Variants in PPM1G observed in about 807,000 individuals in gnomAD.
PPM1G encodes the protein protein phosphatase 1G.
A neutral mutation model predicts 59.4 loss-of-function variants in PPM1G; 12 were observed. The observed-to-expected ratio is 0.20, with a 90% CI of 0.13 to 0.33. The LOEUF (loss-of-function observed/expected upper bound fraction) is 0.33, where lower values mean the gene tolerates loss of function less well. Among genes scored for constraint, PPM1G ranks in the 10% least tolerant of loss-of-function variants. The pLI is 1.00. For synonymous variants in PPM1G, 245 were observed against 251.9 expected, an observed-to-expected ratio of 0.97 and a Z score of 0.26; for missense variants, 392 against 681.3, an observed-to-expected ratio of 0.58 and a Z score of 4.73.
intron 1 of PPM1G, chr2:27,393,180 T>G: frequency 6.6e-7 from 1 of 1,505,280 alleles, no homozygotes; most frequent in African/African-American, 1.4e-5. Context: ...ATGTTCCCTC[T>G]CCTCATGAGA....
intron 1 of PPM1G, among the ~76,000 whole-genome samples, chr2:27,395,648 G>A (rs1684033709): frequency 2.6e-5 from 4 of 152,108 alleles, no homozygotes; most frequent in Admixed American, 2.6e-4. Context: ...TTCAAGACCA[G>A]CCTGGGTAAC....
rs1572659101 is a variant in PPM1G at position 27,382,553 on chromosome 2, A to T, written c.1254T>A (p.Ile418=). 6.2e-7 allele frequency: 1 copy of T among 1,614,224 alleles called. No homozygotes were observed. Among genetic ancestry groups the T allele is most frequent in the Non-Finnish European group, 8.5e-7 (1 of 1,180,012 alleles). ...GCACCTTGATGTCAGGAAGGGCTGAAATCATCTGTTCCTCAGGTGGCAGGT... is the reference window on the plus strand; with the variant it reads ...GCACCTTGATGTCAGGAAGGGCTGATATCATCTGTTCCTCAGGTGGCAGGT... ...NKNLPPEEQM[I]SALPDIKVLT... is the part of the protein sequence containing the mutation. Residue 418 remains isoleucine (I), a synonymous_variant, in exon 8 of 10, where the codon ATT becomes ATA. Transcript: ENST00000344034. The surrounding 1 kb of genome is among the most constrained non-coding windows in gnomAD (Gnocchi z 4.2).
rs1399370496 is a variant in PPM1G at position 27,391,736 on chromosome 2, C to CT, written c.121-4579dup. Among the ~76,000 whole-genome samples the CT allele has an allele frequency of 7.2e-3, 1,017 of 140,744 alleles. 6 individuals are homozygous for CT. Among genetic ancestry groups the CT allele is most frequent in the African/African-American group, 0.019 (745 of 38,594 alleles). The allele number at this position is 140,744 out of a possible 152,430, so 92.3% of individuals were successfully genotyped here. The stretch of plus-strand genomic sequence containing the variant: ...TCTACAGGATGTTCTTTTTTTCTTT[C>CT]TTTTTTTTTTTTTTGAGACAGAGTC... On this transcript the variant is annotated intron_variant, in intron 1 of 9. Transcript: ENST00000344034.
intron 1 of PPM1G, among the ~76,000 whole-genome samples, chr2:27,388,314 C>T (rs1683817933): frequency 6.6e-6 from 1 of 151,808 alleles, no homozygotes; most frequent in Non-Finnish European, 1.5e-5. Flanking sequence ...AAGGGTGAGG[C>T]AGGAGAATCA....
At chr2:27,388,544 A>C (rs1416856913) in intron 1 of PPM1G, among the ~76,000 whole-genome samples, 1 of 152,184 alleles carries the variant, frequency 6.6e-6, no homozygotes, top group African/African-American at 2.4e-5. Context: ...ATGAGTTCAC[A>C]ATATCTTAAG....
chr2:27,409,209 G>A, intron 1 of PPM1G, 94 bp downstream of exon 1: 8 of 1,450,286 alleles, frequency 5.5e-6, no homozygotes, highest in East Asian at 2.9e-5. Context: ...CTCCCAATTG[G>A]GACCCTTCCC....
Position 27,399,234 on chromosome 2 carries a change from A to G in PPM1G, c.120+10069T>C, listed in dbSNP as rs554351973. Among the ~76,000 whole-genome samples, 24 of 152,368 alleles carry G rather than the reference A, an allele frequency of 1.6e-4. No homozygotes were observed. The South Asian group carries it at 4.4e-3, about 28-fold the overall frequency. ...ATTGGAGAAAAGATTTGCAAATCAT[A>G]TATCTAACAAACTTGTATCCAAAAC... On this transcript the variant is annotated intron_variant, in intron 1 of 9. Transcript: ENST00000344034.
chr2:27,409,365 C>A lies in PPM1G; in HGVS notation c.58G>T (p.Ala20Ser). 1 of 1,541,156 alleles carries A rather than the reference C, an allele frequency of 6.5e-7. No individual in the cohort carries two copies. Among genetic ancestry groups the A allele is most frequent in the Non-Finnish European group, 8.7e-7 (1 of 1,143,216 alleles). ...CCGTAGGGCAGCGGCAGGCGCGGGGCGCCGACCCCGTCCCCGGAGCACTTC... is the reference window on the plus strand; with the variant it reads ...CCGTAGGGCAGCGGCAGGCGCGGGGAGCCGACCCCGTCCCCGGAGCACTTC... ...TVKCSGDGVG[A>S]PRLPLPYGFS... The change falls in exon 1 of 10, where the codon GCC (alanine) becomes TCC (serine). Residue 20 changes from alanine to serine, a missense_variant. Transcript: ENST00000344034.
chr2:27,383,234 T>G lies in PPM1G; in HGVS notation c.1201+132A>C. The stretch of plus-strand genomic sequence containing the variant: ...ACCCATCTTAGTTATTTCACAGAAA[T>G]ATAAGAACAGAGGTAGTAGATATTA... On this transcript the variant is annotated intron_variant, in intron 7 of 9. Transcript: ENST00000344034. This position sits in a 1 kb window ranked among gnomAD's most constrained non-coding sequence, Gnocchi z 5.0. 1 of 715,060 alleles carries G rather than the reference T, an allele frequency of 1.4e-6. No individual in the cohort carries two copies. Among genetic ancestry groups the G allele is most frequent in the Non-Finnish European group, 2.4e-6 (1 of 420,544 alleles). 44.3% of individuals were successfully genotyped at this position (715,060 alleles called of 1,614,324 possible).
chr2:27,399,785 T>C (rs765903253), intron 1 of PPM1G, among the ~76,000 whole-genome samples: 2 of 152,218 alleles, frequency 1.3e-5, no homozygotes, highest in African/African-American at 2.4e-5. Flanking sequence ...CTGGCAGGAA[T>C]GTACGACGGT....
Position 27,382,382 on chromosome 2 carries a change from G to C in PPM1G, c.1331+94C>G. On this transcript the variant is annotated intron_variant, in intron 8 of 9. Transcript: ENST00000344034. This position sits in a 1 kb window ranked among gnomAD's most constrained non-coding sequence, Gnocchi z 4.2. ...GCTCTTCACCCACCAAGAGGCCTAG[G>C]TCTGCCTAGGCTCTAATCCTAGAGG... The C allele has an allele frequency of 6.3e-7, 1 of 1,581,780 alleles. No individual in the cohort carries two copies. The highest frequency in any genetic ancestry group is 8.6e-7 in the Non-Finnish European group (1 of 1,161,748).
At chr2:27,387,636 G>A (rs1683801484) in intron 1 of PPM1G, among the ~76,000 whole-genome samples, 1 of 152,046 alleles carries the variant, frequency 6.6e-6, no homozygotes, top group Non-Finnish European at 1.5e-5. Flanking sequence ...GAATAGCTGA[G>A]ATTACAGGCA....
At chr2:27,391,561 G>C (rs186674515) in intron 1 of PPM1G, among the ~76,000 whole-genome samples, 16 of 152,152 alleles carry the variant, frequency 1.1e-4, no homozygotes, top group African/African-American at 2.9e-4. Context: ...ATAGATTTTG[G>C]ATATTAGACT....
At chr2:27,388,191 A>C (rs1683815403) in intron 1 of PPM1G, among the ~76,000 whole-genome samples, 1 of 151,994 alleles carries the variant, frequency 6.6e-6, no homozygotes, top group Non-Finnish European at 1.5e-5. Flanking sequence ...CCGGCAGATC[A>C]TGAAGTCAAG....
chr2:27,390,734 G>C (rs1683879838), intron 1 of PPM1G, among the ~76,000 whole-genome samples: 1 of 152,120 alleles, frequency 6.6e-6, no homozygotes, highest in Non-Finnish European at 1.5e-5. Context: ...CTGAGGTTTG[G>C]GGTATGACTG....
chr2:27,391,713 T>G (rs1006622995), intron 1 of PPM1G, among the ~76,000 whole-genome samples: 2 of 151,984 alleles, frequency 1.3e-5, no homozygotes, highest in African/African-American at 4.8e-5. Flanking sequence ...TGCCTGTTTC[T>G]ACAGGATGTT....
intron 1 of PPM1G, among the ~76,000 whole-genome samples, chr2:27,395,145 CACT>C (rs35811351): frequency 0.47 from 69,718 of 148,762 alleles, 17,939 homozygotes; most frequent in African/African-American, 0.69. Flanking sequence ...ACAGGAGAAT[CACT>C]ACTTGAATCT....
rs187317915 is a variant in PPM1G at position 27,382,848 on chromosome 2, G to A, written c.1202-243C>T. 7.3e-3 allele frequency among the ~76,000 whole-genome samples: 1,052 copies of A among 143,886 alleles called. 9 individuals are homozygous for A. Among genetic ancestry groups the A allele is most frequent in the African/African-American group, 0.018 (692 of 38,178 alleles). 94.4% of individuals were successfully genotyped at this position (143,886 alleles called of 152,430 possible). ...TTTTTTGTTTTTTTTTTTTTGAGAC[G>A]GAGTTTCACTCTTGTAGCCCAGGCT... On this transcript the variant is annotated intron_variant, in intron 7 of 9. Coordinates refer to ENST00000344034, the MANE Select transcript of PPM1G (RefSeq NM_177983.3). The surrounding 1 kb of genome is among the most constrained non-coding windows in gnomAD (Gnocchi z 4.2).
intron 1 of PPM1G, among the ~76,000 whole-genome samples, chr2:27,395,677 T>C (rs1684035204): frequency 6.6e-6 from 1 of 151,770 alleles, no homozygotes; most frequent in Admixed American, 6.6e-5. Context: ...ACTCTGTCTC[T>C]ACGAAAAAAT....
Sources: allele counts gnomAD v4.1 joint callset (sites outside exome capture counted in the v4.1 genomes callset), GRCh38; gene constraint gnomAD v4.1.1; non-coding constraint Gnocchi (gnomAD v3.1); transcripts MANE v1.5; gene names NCBI Gene and HGNC (gene_info 2026-07-23, HGNC 2026-07-21).